EGFL6: variants seen among roughly 807,000 people sequenced by gnomAD.
EGFL6 encodes the protein EGF like domain multiple 6.
A neutral mutation model predicts 43.1 loss-of-function variants in EGFL6; 42 were observed. That is an observed-to-expected ratio of 0.98 (90% CI 0.76 to 1.26). The LOEUF is 1.26. Ranked by LOEUF, EGFL6 falls within the 50% of genes most tolerant of loss-of-function variation. The pLI, the probability that EGFL6 is intolerant of heterozygous loss-of-function variation, is 0.00. For missense variants in EGFL6, 429 were observed against 427.8 expected (o/e 1.00, Z -0.02); for synonymous variants, 164 against 163.2 (o/e 1.01, Z -0.04).
In EGFL6 at chrX:13,596,565, A is replaced by G. The variant is rs1243870416; in HGVS notation, c.280+1637A>G. 3.6e-5 allele frequency: 4 copies of G among 112,018 alleles called. No individual in the cohort carries two copies. The East Asian group carries it at 1.1e-3, about 31-fold the overall frequency. 9.2% of individuals were successfully genotyped at this position (112,018 alleles called of 1,213,427 possible). A position where few individuals can be genotyped will look rare whatever the true frequency, so the allele number is the denominator to read the frequency against. ...GAATCCTTTACTGTTTTGTTTAGAG[A>G]TGGGGGTCTCACTATGTTGCCTAGG... On this transcript the variant is annotated intron_variant, in intron 3 of 11. Transcript: ENST00000361306.
chrX:13,600,341 C>T (rs1375737490), intron 4 of EGFL6, among the ~76,000 whole-genome samples: 1 of 82,894 alleles, frequency 1.2e-5, no homozygotes, highest in African/African-American at 4.9e-5. Context: ...GGCTGGAGTG[C>T]AGTGGTGCAA....
rs34613284 is a variant in EGFL6, at chrX:13,603,406, C to T, written c.490C>T (p.Arg164Cys). 3,285 of 1,208,543 alleles carry T rather than the reference C, an allele frequency of 2.7e-3. 66 individuals carry two copies. The African/African-American group carries it at 0.051, about 19-fold the overall frequency. ...PQCLCPSSGLRLAPNGRDCLD... is the reference protein window; with the variant it reads ...PQCLCPSSGLCLAPNGRDCLD... ...GTGCCTGTGTCCATCCTCAGGACTC[C>T]GCCTGGCCCCAAATGGAAGAGACTG... The change falls in exon 5 of 12, where the codon CGC becomes TGC. Residue 164 changes from arginine (R) to cysteine (C), a missense_variant. Physicochemically the swap from Arg to Cys is radical, Grantham distance 180. Transcript: ENST00000361306.
intron 9 of EGFL6, among the ~76,000 whole-genome samples, chrX:13,622,796 A>T (rs768676516): frequency 8.9e-6 from 1 of 112,631 alleles, no homozygotes; most frequent in South Asian, 3.6e-4. Flanking sequence ...GTGGGCCAGG[A>T]TCTACATAAA....
intron 7 of EGFL6, among the ~76,000 whole-genome samples, chrX:13,614,441 C>T (rs1286117262): frequency 1.8e-5 from 2 of 112,199 alleles, no homozygotes; most frequent in Non-Finnish European, 3.8e-5. Flanking sequence ...CTTTTCTCCT[C>T]CCAGATGATA....
intron 9 of EGFL6, among the ~76,000 whole-genome samples, chrX:13,621,015 C>T (rs1569209553): frequency 8.9e-6 from 1 of 112,411 alleles, no homozygotes; most frequent in Non-Finnish European, 1.9e-5. Context: ...TGGTTGTTTG[C>T]CTTGGACAAG....
At chrX:13,618,299 C>T (rs2045730820) in intron 8 of EGFL6, among the ~76,000 whole-genome samples, 1 of 112,252 alleles carries the variant, frequency 8.9e-6, no homozygotes, top group Non-Finnish European at 1.9e-5. Context: ...TCCTATTTGA[C>T]ACAGACCTTC....
intron 1 of EGFL6, among the ~76,000 whole-genome samples, chrX:13,579,340 A>G (rs2045492766): frequency 9.0e-6 from 1 of 111,376 alleles, no homozygotes; most frequent in Non-Finnish European, 1.9e-5. Flanking sequence ...AAGTGAGAAC[A>G]TGTGGTATTT....
At chrX:13,613,037 C>T (rs911056601) in intron 7 of EGFL6, among the ~76,000 whole-genome samples, 1 of 108,060 alleles carries the variant, frequency 9.3e-6, no homozygotes, top group African/African-American at 3.4e-5. Context: ...CCCAGCTACT[C>T]GGGAGGCTGA....
Position 13,594,781 on chromosome X carries a change from T to G in EGFL6, c.188-55T>G, listed in dbSNP as rs2045587319. On this transcript the variant is annotated intron_variant, in intron 2 of 11. Transcript: ENST00000361306. ...AGAACGCAGCGAAGTTTTGCGTGCA[T>G]TTCACTACACTAACTACTGTTCTTT... 19 of 1,130,783 alleles carry G rather than the reference T, an allele frequency of 1.7e-5. No homozygotes were observed. In the South Asian group the frequency reaches 2.9e-4, roughly 17 times the overall value. The allele number at this position is 1,130,783 out of a possible 1,213,427, so 93.2% of individuals were successfully genotyped here.
rs1440051187 is a variant in EGFL6, at chrX:13,594,863, G to A, written c.215G>A (p.Gly72Asp). 8.3e-7 allele frequency: 1 copy of A among 1,210,697 alleles called. No individual in the cohort carries two copies. Among genetic ancestry groups the A allele is most frequent in the Admixed American group, 2.2e-5 (1 of 45,990 alleles). ...EATCEPGCKF[G>D]ECVGPNKCRC... ...ACATGCGAACCTGGATGTAAGTTTG[G>A]TGAGTGCGTGGGACCAAACAAATGC... The change falls in exon 3 of 12, where the codon GGT (glycine) becomes GAT (aspartate). Residue 72 changes from glycine to aspartate, a missense_variant. Coordinates refer to ENST00000361306, the MANE Select transcript of EGFL6 (RefSeq NM_015507.4).
Position 13,617,906 on chromosome X carries a change from G to A in EGFL6, c.955G>A (p.Glu319Lys). ...PKVNLQPFNYEEIVSRGGNSH... is the reference protein window; with the variant it reads ...PKVNLQPFNYKEIVSRGGNSH... ...GGTGAACTTGCAGCCCTTCAACTAT[G>A]AAGAGATAGTTTCCAGAGGCGGGAA... is the stretch of plus-strand genomic sequence containing the variant. The change falls in exon 8 of 12, where the codon GAA (glutamate) becomes AAA (lysine). Residue 319 changes from glutamate (E) to lysine (K), a missense_variant. Coordinates refer to ENST00000361306, the MANE Select transcript of EGFL6 (RefSeq NM_015507.4). The A allele has an allele frequency of 8.3e-7, 1 of 1,211,539 alleles. No homozygotes were observed. Among genetic ancestry groups the A allele is most frequent in the Non-Finnish European group, 1.1e-6 (1 of 895,484 alleles).
At position 13,608,450 on chromosome X, in the gene EGFL6, A is replaced by C; in HGVS notation, c.778+4A>C. 5 of 1,209,802 alleles carry C rather than the reference A, an allele frequency of 4.1e-6. No individual in the cohort carries two copies. In the East Asian group the frequency reaches 1.5e-4, roughly 36 times the overall value. On this transcript the variant is annotated splice_donor_region_variant and intron_variant, in intron 7 of 11. Coordinates refer to ENST00000361306, the MANE Select transcript of EGFL6 (RefSeq NM_015507.4). ...GGCAATGGACTTCGGTGTTCTGGTAAGTAGCATTTGGTCATGGTGTCTTAG... is the reference window on the plus strand; with the variant it reads ...GGCAATGGACTTCGGTGTTCTGGTACGTAGCATTTGGTCATGGTGTCTTAG...
At chrX:13,601,933 C>T (rs935389867) in intron 4 of EGFL6, among the ~76,000 whole-genome samples, 1 of 111,119 alleles carries the variant, frequency 9.0e-6, no homozygotes, top group African/African-American at 3.3e-5. Flanking sequence ...CCATGAAAAC[C>T]CAGTCAGTGC....
chrX:13,598,818 A>G (rs1285858924), intron 3 of EGFL6, among the ~76,000 whole-genome samples: 1 of 104,768 alleles, frequency 9.5e-6, no homozygotes, highest in African/African-American at 3.4e-5. Flanking sequence ...TCACATATAT[A>G]TAATTCATAT....
intron 7 of EGFL6, among the ~76,000 whole-genome samples, chrX:13,608,945 A>G (rs779856246): frequency 2.1e-4 from 24 of 112,495 alleles, no homozygotes; most frequent in Non-Finnish European, 4.1e-4. Flanking sequence ...GTCATCCTCA[A>G]CGCTGGATCC....
chrX:13,622,582 C>T (rs1054458073), intron 9 of EGFL6, among the ~76,000 whole-genome samples: 1 of 111,871 alleles, frequency 8.9e-6, no homozygotes, highest in South Asian at 3.7e-4. Flanking sequence ...TCTTCACCCC[C>T]GCCCTTTCCC....
At chrX:13,573,323 C>T (rs1013712342) in intron 1 of EGFL6, among the ~76,000 whole-genome samples, 8 of 111,602 alleles carry the variant, frequency 7.2e-5, no homozygotes, top group South Asian at 7.4e-4. Flanking sequence ...TGGTGATTTT[C>T]GAATGATTGG....
intron 5 of EGFL6, among the ~76,000 whole-genome samples, chrX:13,603,686 A>G (rs1297745025): frequency 8.9e-6 from 1 of 112,437 alleles, no homozygotes; most frequent in East Asian, 2.7e-4. Flanking sequence ...TAATTTTAGT[A>G]TATTTACTAT....
chrX:13,612,170 T>C (rs1163495645), intron 7 of EGFL6, among the ~76,000 whole-genome samples: 5 of 110,662 alleles, frequency 4.5e-5, no homozygotes, highest in Non-Finnish European at 9.5e-5. Flanking sequence ...AGGTCTCTGG[T>C]TTTCCTAGGC....
Sources: gnomAD v4.1 joint callset for allele counts (sites outside exome capture counted in the v4.1 genomes callset) on GRCh38, gnomAD v4.1.1 for gene constraint, MANE v1.5 for transcripts, NCBI Gene and HGNC (gene_info 2026-07-23, HGNC 2026-07-21) for gene names.